The following SORCS1 variants were observed in gnomAD, a reference collection of about 807,000 sequenced individuals.
SORCS1 encodes sortilin related VPS10 domain containing receptor 1.
A neutral mutation model predicts 146.1 loss-of-function variants in SORCS1; 60 were observed. That is an observed-to-expected ratio of 0.41 (90% CI 0.33 to 0.51). The LOEUF (loss-of-function observed/expected upper bound fraction) is 0.51, where lower values mean the gene tolerates loss of function less well. Among genes scored for constraint, SORCS1 ranks in the 20% least tolerant of loss-of-function variants. The pLI is 0.21. For synonymous variants in SORCS1, 637 were observed against 584.0 expected, an observed-to-expected ratio of 1.09 and a Z score of -1.31; for missense variants, 1,352 against 1,487.6, an observed-to-expected ratio of 0.91 and a Z score of 1.50.
At chr10:107,019,058 C>A (rs1341596742) in intron 1 of SORCS1, among the ~76,000 whole-genome samples, 1 of 152,086 alleles carries the variant, frequency 6.6e-6, no homozygotes, top group East Asian at 1.9e-4. Flanking sequence ...AGGATCCCAG[C>A]TCATATCTCA....
At chr10:106,785,568 A>C (rs1946018289) in intron 3 of SORCS1, among the ~76,000 whole-genome samples, 1 of 152,228 alleles carries the variant, frequency 6.6e-6, no homozygotes. Context: ...TCCTACACTA[A>C]CAAGTACGTT....
chr10:106,679,447 A>G (rs1852276414), intron 11 of SORCS1, 115 bp from the exon 12 acceptor site: 2 of 991,044 alleles, frequency 2.0e-6, no homozygotes, highest in African/African-American at 1.6e-5. Context: ...CTGTCTGTGC[A>G]GGGGTTTTCT....
intron 11 of SORCS1, 24 bp from the exon 12 acceptor site, chr10:106,679,356 G>A: frequency 3.8e-6 from 6 of 1,577,654 alleles, no homozygotes; most frequent in Non-Finnish European, 5.2e-6. Flanking sequence ...GGTGCCATTA[G>A]TGAAAAGAAC....
At chr10:106,961,312 T>C (rs868531924) in intron 1 of SORCS1, among the ~76,000 whole-genome samples, 1 of 152,204 alleles carries the variant, frequency 6.6e-6, no homozygotes, top group African/African-American at 2.4e-5. Context: ...CATGGTTTTA[T>C]TATTAACATA....
chr10:106,765,894 C>G (rs1283458745), intron 4 of SORCS1, among the ~76,000 whole-genome samples: 1 of 152,122 alleles, frequency 6.6e-6, no homozygotes, highest in African/African-American at 2.4e-5. Context: ...GATTGTTAGA[C>G]AGGTGCACGT....
chr10:106,796,905 T>A (rs1946589400), intron 3 of SORCS1, among the ~76,000 whole-genome samples: 1 of 152,156 alleles, frequency 6.6e-6, no homozygotes, highest in Admixed American at 6.5e-5. Flanking sequence ...GTCAGAAGAT[T>A]GAGACCATCC....
intron 1 of SORCS1, among the ~76,000 whole-genome samples, chr10:106,981,713 C>T (rs1442382959): frequency 9.2e-5 from 14 of 152,036 alleles, no homozygotes; most frequent in Admixed American, 8.5e-4. Context: ...AAAAAATGGC[C>T]GTGCTCAGGA....
chr10:106,828,419 C>T (rs764002080), intron 3 of SORCS1, among the ~76,000 whole-genome samples: 25 of 152,234 alleles, frequency 1.6e-4, no homozygotes, highest in South Asian at 4.1e-4. Flanking sequence ...AGAGCTTGCA[C>T]GTTTGGGGAC....
rs1358752524 is a variant in SORCS1 at position 106,731,162 on chromosome 10, AG to A, written c.960-1049del. ...ATCTCTACTAAAAATACAAAAAATTAGCCGGGCGTGGTGGTGGGGTGCCTGT... is the reference window on the plus strand; with the variant it reads ...ATCTCTACTAAAAATACAAAAAATTACCGGGCGTGGTGGTGGGGTGCCTGT... On this transcript the variant is annotated intron_variant, in intron 5 of 25. Transcript: ENST00000263054. 3.3e-5 allele frequency among the ~76,000 whole-genome samples: 5 copies of A among 151,030 alleles called. No individual in the cohort carries two copies. The East Asian group carries it at 7.8e-4, about 24-fold the overall frequency.
rs543386945 is a variant in SORCS1 at position 106,840,456 on chromosome 10, C to G, written c.627-10783G>C. Among the ~76,000 whole-genome samples, 3 of 152,010 alleles carry G rather than the reference C, an allele frequency of 2.0e-5. No individual in the cohort carries two copies. In the East Asian group the frequency reaches 5.8e-4, roughly 29 times the overall value. On this transcript the variant is annotated intron_variant, in intron 2 of 25. Transcript: ENST00000263054. ...CACTTGAACCAATGAGGAGTTGCTT[C>G]TTATGGATAAGCAAAGAATGTGGTT...
intron 1 of SORCS1, among the ~76,000 whole-genome samples, chr10:106,981,670 T>C (rs1956250893): frequency 6.6e-6 from 1 of 152,202 alleles, no homozygotes; most frequent in Non-Finnish European, 1.5e-5. Flanking sequence ...GAGGATTTTT[T>C]TTCTCGTCTC....
chr10:106,677,900 T>C (rs188364505), intron 12 of SORCS1, among the ~76,000 whole-genome samples: 2 of 152,332 alleles, frequency 1.3e-5, no homozygotes, highest in East Asian at 3.9e-4. Context: ...CCAGATCTTA[T>C]TATTTTGAAG....
chr10:107,174,637 A>G, the SORCS1 span, among the ~76,000 whole-genome samples: 1 of 152,072 alleles, frequency 6.6e-6, no homozygotes. Context: ...TATTGACCTT[A>G]TATCTGGTGA....
At chr10:106,762,131 G>A (rs562877832) in intron 4 of SORCS1, among the ~76,000 whole-genome samples, 4 of 152,272 alleles carry the variant, frequency 2.6e-5, no homozygotes, top group African/African-American at 7.2e-5. Flanking sequence ...CAGAAGACAG[G>A]AGCCAATTTA....
chr10:106,968,820 C>T (rs1316949744), intron 1 of SORCS1, among the ~76,000 whole-genome samples: 1 of 151,950 alleles, frequency 6.6e-6, no homozygotes, highest in Non-Finnish European at 1.5e-5. Context: ...GAATAAAACA[C>T]CAGAGAGAGT....
chr10:106,754,231 C>G lies in SORCS1; in HGVS notation c.959+7357G>C, dbSNP rs1044718523. On this transcript the variant is annotated intron_variant, in intron 5 of 25. Transcript: ENST00000263054. ...AGTTTTTCTGGAACAAGCAAGAAGTCCTTTTCTTTAACATTGGAGTGAATT... is the reference window on the plus strand; with the variant it reads ...AGTTTTTCTGGAACAAGCAAGAAGTGCTTTTCTTTAACATTGGAGTGAATT... Among the ~76,000 whole-genome samples the G allele has an allele frequency of 2.0e-5, 3 of 152,160 alleles. No homozygotes were observed. The East Asian group carries it at 5.8e-4, about 29-fold the overall frequency.
At chr10:107,002,978 G>A (rs1428673099) in intron 1 of SORCS1, among the ~76,000 whole-genome samples, 1 of 152,152 alleles carries the variant, frequency 6.6e-6, no homozygotes. Context: ...GTTCTAGGCC[G>A]AGTGTGGTGG....
At chr10:106,613,151 G>T (rs1051318695) in intron 21 of SORCS1, among the ~76,000 whole-genome samples, 1 of 152,122 alleles carries the variant, frequency 6.6e-6, no homozygotes, top group African/African-American at 2.4e-5. Flanking sequence ...TTGCATGGAA[G>T]TTTCATTTAA....
intron 3 of SORCS1, among the ~76,000 whole-genome samples, chr10:106,804,487 T>G (rs1047737126): frequency 1.3e-5 from 2 of 151,718 alleles, no homozygotes; most frequent in Admixed American, 6.6e-5. Flanking sequence ...CAACAAAAAT[T>G]AAAACAAACA....
Sources: gnomAD v4.1 joint callset for allele counts (sites outside exome capture counted in the v4.1 genomes callset) on GRCh38, gnomAD v4.1.1 for gene constraint, MANE v1.5 for transcripts, NCBI Gene and HGNC (gene_info 2026-07-23, HGNC 2026-07-21) for gene names.